Variants in ZFAT observed in about 807,000 individuals in gnomAD.
ZFAT encodes zinc finger and AT-hook domain containing, also known as zinc finger protein ZFAT.
Under a neutral mutation model 117.7 loss-of-function variants are expected in ZFAT, and 64 were observed. That is an observed-to-expected ratio of 0.54 (90% CI 0.44 to 0.67). ZFAT has a LOEUF of 0.67. ZFAT is among the 30% of genes least tolerant of loss of function. ZFAT has a pLI of 0.00. For synonymous variants in ZFAT, 679 were observed against 615.0 expected (o/e 1.10, Z -1.54); for missense variants, 1,433 against 1,584.5 (o/e 0.90, Z 1.62).
the ZFAT span, among the ~76,000 whole-genome samples, chr8:134,745,626 G>A: frequency 5.9e-5 from 9 of 152,192 alleles, no homozygotes; most frequent in African/African-American, 2.2e-4. Flanking sequence ...TTCAACATGG[G>A]CTAATGTGAT....
intron 3 of ZFAT, among the ~76,000 whole-genome samples, chr8:134,628,013 A>G (rs1408351435): frequency 2.6e-5 from 4 of 152,160 alleles, no homozygotes; most frequent in African/African-American, 4.8e-5. Flanking sequence ...GCGCGGCACA[A>G]TGAGAAGCCC....
chr8:134,595,044 T>C (rs1368546964), intron 7 of ZFAT, among the ~76,000 whole-genome samples: 4 of 152,196 alleles, frequency 2.6e-5, no homozygotes, highest in African/African-American at 9.7e-5. Flanking sequence ...ATGTCATTCA[T>C]AACAATTATC....
At chr8:134,591,362 T>C (rs571922353) in intron 7 of ZFAT, among the ~76,000 whole-genome samples, 203 of 152,358 alleles carry the variant, frequency 1.3e-3, no homozygotes, top group Middle Eastern at 6.8e-3. Flanking sequence ...TCATCCTGCA[T>C]TGCTGCAGCT....
At chr8:134,700,566 A>G (rs982360928) in intron 1 of ZFAT, among the ~76,000 whole-genome samples, 3 of 152,208 alleles carry the variant, frequency 2.0e-5, no homozygotes, top group Admixed American at 2.0e-4. Context: ...TGACCCCTGT[A>G]CAAAGAATGC....
At chr8:134,742,623 G>T in the ZFAT span, among the ~76,000 whole-genome samples, 2 of 152,124 alleles carry the variant, frequency 1.3e-5, no homozygotes, top group Non-Finnish European at 2.9e-5. Flanking sequence ...CAGCCCCTCG[G>T]CTCTCTGCTA....
the ZFAT span, among the ~76,000 whole-genome samples, chr8:134,752,787 G>C: frequency 0.045 from 6,859 of 152,104 alleles, 228 homozygotes; most frequent in Middle Eastern, 0.085. Flanking sequence ...ATGTGAGCCA[G>C]CATGCATGTC....
At chr8:134,581,012 G>C (rs368942200) in intron 10 of ZFAT, among the ~76,000 whole-genome samples, 3 of 152,002 alleles carry the variant, frequency 2.0e-5, no homozygotes, top group African/African-American at 7.3e-5. Flanking sequence ...ACAAAACATA[G>C]AGGCAAATGA....
chr8:134,486,880 G>A (rs1817691568), intron 15 of ZFAT, among the ~76,000 whole-genome samples: 1 of 152,076 alleles, frequency 6.6e-6, no homozygotes, highest in Non-Finnish European at 1.5e-5. Flanking sequence ...CGTGTGTGAG[G>A]GTTTGCTATG....
intron 1 of ZFAT, among the ~76,000 whole-genome samples, chr8:134,710,874 G>A (rs1410015726): frequency 6.6e-6 from 1 of 152,186 alleles, no homozygotes; most frequent in Non-Finnish European, 1.5e-5. Flanking sequence ...GAATTTCTAT[G>A]CTACCAATAA....
intron 11 of ZFAT, among the ~76,000 whole-genome samples, chr8:134,534,212 A>G (rs1821646107): frequency 6.6e-6 from 1 of 152,234 alleles, no homozygotes; most frequent in Non-Finnish European, 1.5e-5. Flanking sequence ...ATTAAATGGT[A>G]TCATATAAAC....
the ZFAT span, among the ~76,000 whole-genome samples, chr8:134,788,969 C>T: frequency 6.6e-6 from 1 of 151,834 alleles, no homozygotes; most frequent in African/African-American, 2.4e-5. Context: ...TTAAAGTATG[C>T]CTCTTGTAAG....
At chr8:134,781,496 C>A in the ZFAT span, among the ~76,000 whole-genome samples, 1 of 152,172 alleles carries the variant, frequency 6.6e-6, no homozygotes, top group South Asian at 2.1e-4. Flanking sequence ...CCCTTAAAGT[C>A]TTCCAGATAT....
intron 3 of ZFAT, among the ~76,000 whole-genome samples, chr8:134,636,520 CA>C (rs1469747740): frequency 3.9e-5 from 6 of 152,224 alleles, no homozygotes; most frequent in Non-Finnish European, 7.4e-5. Context: ...GAAACTGAGG[CA>C]AAATTAAGTT....
intron 1 of ZFAT, among the ~76,000 whole-genome samples, chr8:134,697,382 G>T (rs1274444122): frequency 6.6e-6 from 1 of 150,992 alleles, no homozygotes; most frequent in Non-Finnish European, 1.5e-5. Context: ...AAAGTGCTGG[G>T]ATTACAGGTG....
At position 134,478,556 on chromosome 8, in the gene ZFAT, A is replaced by T; in HGVS notation, c.3658T>A (p.Phe1220Ile). The change falls in exon 16 of 16, where the codon TTC becomes ATC. Residue 1220 changes from phenylalanine (F) to isoleucine (I), a missense_variant. This residue lies in a region of ZFAT where 503 missense variants were observed against 543.4 expected (regional missense o/e 0.93). Coordinates refer to ENST00000377838, the MANE Select transcript of ZFAT (RefSeq NM_020863.4). This position sits in a 1 kb window ranked among gnomAD's most constrained non-coding sequence, Gnocchi z 5.2. ...VYTQGGEASE[F>I]IVYVQEAMQP... Reference sequence around the variant, plus strand: ...ATGGCCTCCTGCACGTAGACGATGAACTCCGAGGCCTCCCCGCCCTGCGTG... The same window carrying T: ...ATGGCCTCCTGCACGTAGACGATGATCTCCGAGGCCTCCCCGCCCTGCGTG... 1 of 1,594,712 alleles carries T rather than the reference A, an allele frequency of 6.3e-7. No homozygotes were observed. The highest frequency in any genetic ancestry group is 2.3e-5 in the East Asian group (1 of 43,610).
At chr8:134,830,012 A>G in the ZFAT span, among the ~76,000 whole-genome samples, 1 of 152,248 alleles carries the variant, frequency 6.6e-6, no homozygotes, top group Non-Finnish European at 1.5e-5. Flanking sequence ...AGATACGCAC[A>G]GCCCAAATCA....
chr8:134,538,079 G>A (rs1384387994), intron 11 of ZFAT, among the ~76,000 whole-genome samples: 1 of 152,202 alleles, frequency 6.6e-6, no homozygotes, highest in Non-Finnish European at 1.5e-5. Flanking sequence ...ACTAGCAGAG[G>A]TCCTAAGACT....
intron 15 of ZFAT, among the ~76,000 whole-genome samples, chr8:134,479,079 C>G (rs1205307214): frequency 6.6e-6 from 1 of 152,154 alleles, no homozygotes; most frequent in Non-Finnish European, 1.5e-5. Flanking sequence ...TTAGTTACTG[C>G]AGGTGTCAGT....
chr8:134,652,392 A>G (rs1291188386), intron 2 of ZFAT, among the ~76,000 whole-genome samples: 2 of 152,242 alleles, frequency 1.3e-5, no homozygotes, highest in African/African-American at 2.4e-5. Flanking sequence ...TATAGCAGAA[A>G]AAAACTCATC....
Sources: gnomAD v4.1 joint callset for allele counts (sites outside exome capture counted in the v4.1 genomes callset) on GRCh38, gnomAD v4.1.1 for gene constraint, gnomAD v4.1.1 regional missense constraint, Gnocchi (gnomAD v3.1) non-coding constraint, MANE v1.5 for transcripts, NCBI Gene and HGNC (gene_info 2026-07-23, HGNC 2026-07-21) for gene names.